PICALM: variants seen among roughly 807,000 people sequenced by gnomAD.
PICALM encodes phosphatidylinositol-binding clathrin assembly protein.
Under a neutral mutation model 80.5 loss-of-function variants are expected in PICALM, and 40 were observed. That is an observed-to-expected ratio of 0.50 (90% confidence interval 0.39 to 0.65). The LOEUF (loss-of-function observed/expected upper bound fraction) is 0.65, where lower values mean the gene tolerates loss of function less well. Ranked by LOEUF, PICALM falls within the 30% of genes least tolerant of loss-of-function variation. PICALM has a pLI of 0.00. For synonymous variants in PICALM, 288 were observed against 260.3 expected, an observed-to-expected ratio of 1.11 and a Z score of -1.02; for missense variants, 676 against 778.9, an observed-to-expected ratio of 0.87 and a Z score of 1.57.
chr11:86,007,436 A>T (rs944181244), intron 8 of PICALM, 106 bp downstream of exon 8: 1 of 670,550 alleles, frequency 1.5e-6, no homozygotes, highest in African/African-American at 1.9e-5. Flanking sequence ...CTGGTCAAAA[A>T]CTGCATTGAT....
At chr11:85,981,675 C>G in intron 16 of PICALM, 70 bp downstream of exon 16, 1 of 1,174,794 alleles carries the variant, frequency 8.5e-7, no homozygotes, top group Non-Finnish European at 1.3e-6. Flanking sequence ...CCAAATCAAC[C>G]CTCCAAATAA....
chr11:86,009,034 G>C (rs1339613389), intron 7 of PICALM, among the ~76,000 whole-genome samples: 1 of 151,700 alleles, frequency 6.6e-6, no homozygotes, highest in African/African-American at 2.4e-5. Flanking sequence ...GCTGGGTGTG[G>C]TGGCTTATGC....
intron 19 of PICALM, among the ~76,000 whole-genome samples, chr11:85,966,784 C>A (rs2093915912): frequency 6.6e-6 from 1 of 152,044 alleles, no homozygotes; most frequent in Admixed American, 6.6e-5. Flanking sequence ...GGTAGAGACC[C>A]ATAGAGAGAA....
intron 1 of PICALM, among the ~76,000 whole-genome samples, chr11:86,042,182 T>C (rs1012850739): frequency 6.6e-6 from 1 of 152,154 alleles, no homozygotes; most frequent in South Asian, 2.1e-4. Context: ...TAGGATTCCA[T>C]TCTAGTACTC....
rs1280464415 is a variant in PICALM, at chr11:86,023,210, C to A, written c.350-741G>T. 2.0e-5 allele frequency among the ~76,000 whole-genome samples: 3 copies of A among 152,144 alleles called. No homozygotes were observed. The East Asian group carries it at 5.8e-4, about 29-fold the overall frequency. Reference sequence around the variant, plus strand: ...ATTGAAAAGTGAACCCATTTTATCTCATATTCATCTAACAAATTTAATTAC... The same window carrying A: ...ATTGAAAAGTGAACCCATTTTATCTAATATTCATCTAACAAATTTAATTAC... On this transcript the variant is annotated intron_variant, in intron 3 of 19. Transcript: ENST00000393346.
intron 5 of PICALM, 46 bp downstream of exon 5, chr11:86,014,821 TATA>T (rs768600452): frequency 9.3e-7 from 1 of 1,074,560 alleles, no homozygotes; most frequent in Non-Finnish European, 1.3e-6. Flanking sequence ...TCTCATGAAT[TATA>T]ATGACCTAAT....
chr11:85,983,930 G>A lies in PICALM; in HGVS notation c.1452C>T (p.Gly484=), dbSNP rs2094510169. 1.2e-6 allele frequency: 2 copies of A among 1,604,698 alleles called. No homozygotes were observed. Among genetic ancestry groups the A allele is most frequent in the African/African-American group, 2.7e-5 (2 of 74,604 alleles). The change falls in exon 14 of 20, where the codon GGC becomes GGT. Residue 484 remains glycine, a synonymous_variant. Coordinates refer to ENST00000393346, the MANE Select transcript of PICALM (RefSeq NM_007166.4). ...SPVAQPHPSA[G]LNVDFESVFG... is the part of the protein sequence containing the mutation. ...ACACAGATTCAAAGTCAACATTAAG[G>A]CCAGCTGAAGGGTGTGGCTGTGCAA...
intron 1 of PICALM, among the ~76,000 whole-genome samples, chr11:86,052,196 T>C (rs1565565717): frequency 1.3e-5 from 2 of 152,154 alleles, no homozygotes; most frequent in Non-Finnish European, 2.9e-5. Flanking sequence ...TCTCATGAGA[T>C]CTGATGGTTT....
chr11:85,974,977 T>C (rs1358456736), intron 18 of PICALM, among the ~76,000 whole-genome samples, 165 bp from the exon 19 acceptor site: 1 of 152,124 alleles, frequency 6.6e-6, no homozygotes. Context: ...CTTTCGAGAG[T>C]ATTTTTTTTT....
At chr11:86,003,658 T>C (rs527959112) in intron 8 of PICALM, 58 of 376,890 alleles carry the variant, frequency 1.5e-4, no homozygotes, top group Admixed American at 4.4e-4. Context: ...AGAAACATTA[T>C]CAAAAACGTT....
At chr11:86,001,858 A>G (rs1005867505) in intron 9 of PICALM, among the ~76,000 whole-genome samples, 1 of 152,186 alleles carries the variant, frequency 6.6e-6, no homozygotes, top group African/African-American at 2.4e-5. Flanking sequence ...CCAAATGTTA[A>G]CTCTAGGCTA....
chr11:86,048,975 G>A (rs548014106), intron 1 of PICALM, among the ~76,000 whole-genome samples: 1 of 151,760 alleles, frequency 6.6e-6, no homozygotes, highest in South Asian at 2.1e-4. Flanking sequence ...TTCTGAAAAT[G>A]GGAGGCAAAG....
intron 8 of PICALM, among the ~76,000 whole-genome samples, chr11:86,005,775 C>CAA (rs573132171): frequency 7.0e-5 from 9 of 127,902 alleles, no homozygotes; most frequent in African/African-American, 1.4e-4. Flanking sequence ...AAGAAATTAC[C>CAA]AAAAAAAAAA....
intron 6 of PICALM, 36 bp downstream of exon 6, chr11:86,012,245 A>T: frequency 8.6e-7 from 1 of 1,161,790 alleles, no homozygotes; most frequent in Non-Finnish European, 1.3e-6. Flanking sequence ...ATATGACACA[A>T]GATAAGAAAT....
chr11:86,057,353 A>G (rs977130082), intron 1 of PICALM, among the ~76,000 whole-genome samples: 2 of 152,214 alleles, frequency 1.3e-5, no homozygotes, highest in South Asian at 2.1e-4. Flanking sequence ...AGCCTGACCA[A>G]CATGGTGAAA....
intron 7 of PICALM, among the ~76,000 whole-genome samples, chr11:86,010,573 C>A (rs1010220637): frequency 3.3e-5 from 5 of 152,160 alleles, no homozygotes; most frequent in Non-Finnish European, 5.9e-5. Flanking sequence ...CCACCCACCT[C>A]AGCTTCCCAA....
At chr11:86,062,027 A>G (rs1382501882) in intron 1 of PICALM, among the ~76,000 whole-genome samples, 1 of 152,236 alleles carries the variant, frequency 6.6e-6, no homozygotes, top group Non-Finnish European at 1.5e-5. Flanking sequence ...TATAGACTGT[A>G]TGATTCCAAC....
intron 19 of PICALM, among the ~76,000 whole-genome samples, chr11:85,974,029 C>T (rs746183814): frequency 1.3e-5 from 2 of 151,548 alleles, no homozygotes; most frequent in African/African-American, 4.8e-5. Context: ...ATCTTCTAAC[C>T]GTAACGGGTA....
chr11:86,032,216 T>C (rs539938599), intron 1 of PICALM, among the ~76,000 whole-genome samples: 3 of 152,314 alleles, frequency 2.0e-5, no homozygotes, highest in South Asian at 2.1e-4. Flanking sequence ...CTCAGATCAG[T>C]TGATAACTAG....
Sources: allele counts gnomAD v4.1 joint callset (sites outside exome capture counted in the v4.1 genomes callset), GRCh38; gene constraint gnomAD v4.1.1; transcripts MANE v1.5; gene names NCBI Gene and HGNC (gene_info 2026-07-23, HGNC 2026-07-21).